Variants in ANXA11 observed in about 807,000 individuals in gnomAD.
The protein encoded by ANXA11 is annexin A11.
ANXA11 carries 57 observed loss-of-function variants against 64.7 expected under a neutral mutation model. The ratio of observed to expected loss-of-function variants is 0.88; its 90% confidence interval spans 0.71 to 1.10. The LOEUF is 1.10. ANXA11 is among the 50% of genes least tolerant of loss of function. The probability of loss-of-function intolerance (pLI) is 0.00; values close to 1 mark genes in which losing one functional copy is unlikely to be tolerated. For synonymous variants in ANXA11, 260 were observed against 265.2 expected (o/e 0.98, Z 0.19); for missense variants, 675 against 670.7 (o/e 1.01, Z -0.07).
intron 1 of ANXA11, chr10:80,204,786 G>A (rs1002394942): frequency 4.6e-5 from 7 of 152,392 alleles, no homozygotes; most frequent in African/African-American, 1.7e-4. Context: ...CACCTGGGAT[G>A]GCTCCCGCAT....
chr10:80,163,930 GA>G (rs1845622865), intron 9 of ANXA11, 122 bp downstream of exon 9: 4 of 804,180 alleles, frequency 5.0e-6, no homozygotes, highest in Non-Finnish European at 7.9e-6. Context: ...GGGGGTGGCA[GA>G]AGATGGGTTG....
At chr10:80,172,414 C>G (rs753311855) in intron 3 of ANXA11, among the ~76,000 whole-genome samples, 8 of 152,142 alleles carry the variant, frequency 5.3e-5, no homozygotes, top group Non-Finnish European at 7.4e-5. Context: ...TGGAGGACAC[C>G]GTGTCGCTCT....
At chr10:80,181,099 C>T (rs1014592054) in intron 1 of ANXA11, 2 of 152,204 alleles carry the variant, frequency 1.3e-5, no homozygotes, top group African/African-American at 4.8e-5. Flanking sequence ...ACAAAATTAA[C>T]TAAGACAATA....
At chr10:80,163,773 A>C (rs1419369675) in intron 9 of ANXA11, among the ~76,000 whole-genome samples, 160 bp from the exon 10 acceptor site, 4 of 152,186 alleles carry the variant, frequency 2.6e-5, no homozygotes, top group Admixed American at 2.6e-4. Context: ...GGGATATACA[A>C]GCCTGTGACC....
chr10:80,171,342 G>A, intron 3 of ANXA11: 1 of 799,062 alleles, frequency 1.3e-6, no homozygotes, highest in Non-Finnish European at 1.5e-6. Context: ...GGCGGGAGGG[G>A]GTTTGGCTGT....
In ANXA11 at chr10:80,151,834, G is replaced by A. The variant is rs1173074434; in HGVS notation, c.*4019C>T. 2 of 152,190 alleles carry A rather than the reference G, an allele frequency of 1.3e-5. No homozygotes were observed. Among genetic ancestry groups the A allele is most frequent in the African/African-American group, 4.8e-5 (2 of 41,440 alleles). 9.4% of individuals were successfully genotyped at this position (152,190 alleles called of 1,614,324 possible). On this transcript the variant is annotated 3_prime_UTR_variant, in exon 16 of 16. Transcript: ENST00000422982. ...TTAGATAAGCGTTAGATTACAGCAG[G>A]TTACAGATGCAGTTTCCCAGTCCCC...
chr10:80,166,027 TGCGCACACACGC>T (rs1325294807), intron 8 of ANXA11, 45 bp downstream of exon 8: 5 of 995,008 alleles, frequency 5.0e-6, no homozygotes, highest in Non-Finnish European at 7.5e-6. Flanking sequence ...CATGCGCGCG[TGCGCACACACGC>T]GCGCACACAC....
chr10:80,161,959 G>A lies in ANXA11; in HGVS notation c.1156C>T (p.Arg386Trp), dbSNP rs146222704. 1.5e-4 allele frequency: 236 copies of A among 1,612,232 alleles called. 1 individual carries two copies. In the East Asian group the frequency reaches 2.9e-3, roughly 20 times the overall value. ...CCTGCTACCAGGTGGGCCCGGCTCC[G>A]GGAGCACAGAACCGCATTGAACTTG... The part of the protein sequence containing the change: ...ESKFNAVLCS[R>W]SRAHLVAVFN... Residue 386 changes from arginine (R) to tryptophan (W), a missense_variant, in exon 12 of 16, where the codon CGG (arginine) becomes TGG (tryptophan). Arg to Trp is a moderately radical substitution (Grantham distance 101). Transcript: ENST00000422982.
rs766021254 is a variant in ANXA11 at position 80,169,271 on chromosome 10, G to T, written c.259C>A (p.Pro87Thr). 30 of 1,611,814 alleles carry T rather than the reference G, an allele frequency of 1.9e-5. No homozygotes were observed. The highest frequency in any genetic ancestry group is 2.5e-5 in the Non-Finnish European group (29 of 1,179,706). Residue 87 changes from proline (P) to threonine (T), a missense_variant, in exon 5 of 16, where the codon CCT (proline) becomes ACT (threonine). Coordinates refer to ENST00000422982, the MANE Select transcript of ANXA11 (RefSeq NM_145868.2). ...GAGGGGGGCTGCCCAAAGCCGCCAG[G>T]GGGCACTGGTGGGTAGCCAGCCCCA... ...APGAGYPPVP[P>T]GGFGQPPSAQ...
chr10:80,156,970 G>GTTAGACCACACAGCTGAGAA (rs1845300275), intron 15 of ANXA11: 1 of 985,108 alleles, frequency 1.0e-6, no homozygotes, highest in Non-Finnish European at 1.2e-6. Flanking sequence ...GAATTTGAGC[G>GTTAGACCACACAGCTGAGAA]TTAGACCACA....
Position 80,169,268 on chromosome 10 carries a change from C to T in ANXA11, c.262G>A (p.Gly88Ser), listed in dbSNP as rs1415602856. The change falls in exon 5 of 16, where the codon GGC (glycine) becomes AGC (serine). Residue 88 changes from glycine (G) to serine (S), a missense_variant. Physicochemically the swap from Gly to Ser is moderately conservative, Grantham distance 56. Coordinates refer to ENST00000422982, the MANE Select transcript of ANXA11 (RefSeq NM_145868.2). Reference sequence around the variant, plus strand: ...GCAGAGGGGGGCTGCCCAAAGCCGCCAGGGGGCACTGGTGGGTAGCCAGCC... The same window carrying T: ...GCAGAGGGGGGCTGCCCAAAGCCGCTAGGGGGCACTGGTGGGTAGCCAGCC... ...PGAGYPPVPP[G>S]GFGQPPSAQQ... 6.2e-7 allele frequency: 1 copy of T among 1,611,804 alleles called. No homozygotes were observed. Among genetic ancestry groups the T allele is most frequent in the Non-Finnish European group, 8.5e-7 (1 of 1,179,680 alleles).
In ANXA11 at chr10:80,190,171, CTT is replaced by C. The variant is rs1846709705; in HGVS notation, c.-57-14018_-57-14017del. On this transcript the variant is annotated intron_variant, in intron 1 of 15. Transcript: ENST00000422982. Reference sequence around the variant, plus strand: ...AGAGTCAGTTTGGGAAGATGAGAACCTTCTGGAGATGCATCGTAATGACTGTT... The same window carrying C: ...AGAGTCAGTTTGGGAAGATGAGAACCCTGGAGATGCATCGTAATGACTGTT... Among the ~76,000 whole-genome samples, 4 of 152,204 alleles carry C rather than the reference CTT, an allele frequency of 2.6e-5. 1 individual carries two copies. Among genetic ancestry groups the C allele is most frequent in the Admixed American group, 2.6e-4 (4 of 15,284 alleles).
chr10:80,165,538 C>G (rs912458048), intron 8 of ANXA11, among the ~76,000 whole-genome samples: 14 of 152,136 alleles, frequency 9.2e-5, no homozygotes, highest in African/African-American at 3.4e-4. Flanking sequence ...CGACAGGCCC[C>G]CTCTCCCACC....
chr10:80,193,117 G>T (rs1846841046), intron 1 of ANXA11, among the ~76,000 whole-genome samples: 1 of 152,122 alleles, frequency 6.6e-6, no homozygotes, highest in African/African-American at 2.4e-5. Flanking sequence ...CCCCAAGGAG[G>T]GAAAGCATCC....
In ANXA11 at chr10:80,168,950, G is replaced by A. The variant is rs1845852217; in HGVS notation, c.561+19C>T. ...GGGGCCCAGGCCTGGACCAAGGGAG[G>A]CAGTGGGCTGACACTCACCTGGGTT... On this transcript the variant is annotated intron_variant, in intron 5 of 15. Coordinates refer to ENST00000422982, the MANE Select transcript of ANXA11 (RefSeq NM_145868.2). 6.6e-7 allele frequency: 1 copy of A among 1,507,000 alleles called. No homozygotes were observed. Among genetic ancestry groups the A allele is most frequent in the African/African-American group, 1.4e-5 (1 of 71,470 alleles). The allele number at this position is 1,507,000 out of a possible 1,614,324, so 93.4% of individuals were successfully genotyped here.
chr10:80,174,112 T>C lies in ANXA11; in HGVS notation c.-8-1243A>G, dbSNP rs1335849794. On this transcript the variant is annotated intron_variant, in intron 2 of 15. Transcript: ENST00000422982. The stretch of plus-strand genomic sequence containing the variant: ...CTCTGTCACCCAGACTGGAGTGCAC[T>C]GGCACAATCATGGCTCACTGCAGCC... Among the ~76,000 whole-genome samples, 7 of 152,298 alleles carry C rather than the reference T, an allele frequency of 4.6e-5. No individual in the cohort carries two copies. The East Asian group carries it at 1.4e-3, about 29-fold the overall frequency.
intron 1 of ANXA11, chr10:80,180,854 C>T (rs1209542011): frequency 6.6e-6 from 1 of 152,140 alleles, no homozygotes; most frequent in African/African-American, 2.4e-5. Context: ...AGGCTCTACC[C>T]TCACGAATGG....
In ANXA11 at chr10:80,157,681, T is replaced by C. The variant is rs753789357; in HGVS notation, c.1418A>G (p.Tyr473Cys). The change falls in exon 15 of 16, where the codon TAT (tyrosine) becomes TGT (cysteine). Residue 473 changes from tyrosine to cysteine, a missense_variant. Coordinates refer to ENST00000422982, the MANE Select transcript of ANXA11 (RefSeq NM_145868.2). ...CAGCGACTTGCCGTACATCCGCTTA[T>C]ACTCTGATCTGATGTCCAGGAGGTC... ...ETDLLDIRSE[Y>C]KRMYGKSLYH... 1 of 1,614,010 alleles carries C rather than the reference T, an allele frequency of 6.2e-7. No individual in the cohort carries two copies.
At chr10:80,159,238 C>T (rs768088292) in intron 12 of ANXA11, 43 bp from the exon 13 acceptor site, 2 of 1,534,326 alleles carry the variant, frequency 1.3e-6, no homozygotes, top group Middle Eastern at 1.7e-4. Context: ...TGAAATGTGT[C>T]TCCCCAAAGT....
Sources: gnomAD v4.1 joint callset for allele counts (sites outside exome capture counted in the v4.1 genomes callset) on GRCh38, gnomAD v4.1.1 for gene constraint, MANE v1.5 for transcripts, NCBI Gene and HGNC (gene_info 2026-07-23, HGNC 2026-07-21) for gene names.